The following ACTMAP variants were observed in gnomAD, a reference collection of about 807,000 sequenced individuals.
ACTMAP encodes UPF0692 protein C19orf54.
the ACTMAP span, chr19:40,742,885 G>C: frequency 9.5e-7 from 1 of 1,049,856 alleles, no homozygotes; most frequent in South Asian, 1.6e-5. Flanking sequence ...GCCATTCCTA[G>C]GTTACGGTGA....
the ACTMAP span, among the ~76,000 whole-genome samples, chr19:40,747,382 C>T: frequency 1.3e-5 from 2 of 151,750 alleles, no homozygotes; most frequent in South Asian, 2.1e-4. Flanking sequence ...ACTAAAAATA[C>T]AAAAAATTAG....
the ACTMAP span, chr19:40,742,540 G>A: frequency 1.3e-6 from 2 of 1,585,004 alleles, no homozygotes; most frequent in Admixed American, 1.7e-5. Context: ...GCCCGTGAGG[G>A]CGAGAAGTCC....
chr19:40,741,476 C>T, the ACTMAP span: 1 of 299,954 alleles, frequency 3.3e-6, no homozygotes, highest in South Asian at 2.9e-5. Flanking sequence ...CTGTAGTTTC[C>T]CTAAATGAGA....
chr19:40,743,948 C>T, the ACTMAP span: 678 of 1,614,028 alleles, frequency 4.2e-4, 5 homozygotes, highest in East Asian at 0.011. Context: ...TCCTCTGACA[C>T]GGCTCATGGT....
chr19:40,742,407 G>T, the ACTMAP span: 1 of 1,449,174 alleles, frequency 6.9e-7, no homozygotes. Flanking sequence ...ACCGAGCTAG[G>T]CTGCAGCCTG....
the ACTMAP span, chr19:40,742,177 A>G: frequency 4.6e-6 from 3 of 659,292 alleles, no homozygotes; most frequent in Non-Finnish European, 8.4e-6. Flanking sequence ...TAGTGAGATG[A>G]CAGAGGCGGC....
At chr19:40,749,861 A>C in the ACTMAP span, 1 of 1,214,620 alleles carries the variant, frequency 8.2e-7, no homozygotes, top group Non-Finnish European at 1.1e-6. Flanking sequence ...AGGATCCTCC[A>C]ACGGAGAACG....
At chr19:40,749,163 G>T in the ACTMAP span, among the ~76,000 whole-genome samples, 5 of 151,830 alleles carry the variant, frequency 3.3e-5, no homozygotes, top group African/African-American at 1.2e-4. Context: ...GCTAATTTTT[G>T]TATTTTTAAT....
chr19:40,749,662 G>C, the ACTMAP span: 1 of 1,545,112 alleles, frequency 6.5e-7, no homozygotes, highest in Admixed American at 2.1e-5. Flanking sequence ...GGGGTCTGCT[G>C]ACTCCAGGGA....
At chr19:40,745,424 G>A in the ACTMAP span, among the ~76,000 whole-genome samples, 2 of 152,156 alleles carry the variant, frequency 1.3e-5, no homozygotes, top group Non-Finnish European at 2.9e-5. Context: ...CTCCCTGCTC[G>A]CTCTCTCAGT....
At chr19:40,744,705 C>A in the ACTMAP span, 2 of 1,591,202 alleles carry the variant, frequency 1.3e-6, no homozygotes, top group African/African-American at 1.3e-5. Flanking sequence ...GAGGCCCAGC[C>A]TGTCAATCCT....
At chr19:40,745,798 G>A in the ACTMAP span, among the ~76,000 whole-genome samples, 37 of 152,250 alleles carry the variant, frequency 2.4e-4, no homozygotes, top group Admixed American at 1.2e-3. Flanking sequence ...TCAGCCTCCC[G>A]AGTAGCTGGG....
At chr19:40,748,529 T>C in the ACTMAP span, among the ~76,000 whole-genome samples, 5 of 152,132 alleles carry the variant, frequency 3.3e-5, no homozygotes, top group African/African-American at 4.8e-5. Context: ...CCTGGGTCCC[T>C]GGATGTCCCA....
chr19:40,749,540 G>A, the ACTMAP span: 7 of 1,551,138 alleles, frequency 4.5e-6, no homozygotes, highest in South Asian at 2.4e-5. Context: ...GGACCGGGCC[G>A]GCCTTATCAA....
At chr19:40,747,154 T>G in the ACTMAP span, among the ~76,000 whole-genome samples, 1 of 151,796 alleles carries the variant, frequency 6.6e-6, no homozygotes, top group Non-Finnish European at 1.5e-5. Context: ...CAAGGTTCGG[T>G]TTGGGTGTTG....
At chr19:40,745,735 C>T in the ACTMAP span, among the ~76,000 whole-genome samples, 4 of 152,114 alleles carry the variant, frequency 2.6e-5, no homozygotes, top group South Asian at 2.1e-4. Flanking sequence ...TGCAACAGCG[C>T]GATCTCAGCT....
At chr19:40,742,739 A>C in the ACTMAP span, 11 of 1,611,066 alleles carry the variant, frequency 6.8e-6, no homozygotes, top group East Asian at 2.2e-4. Flanking sequence ...TGTAGCCGAG[A>C]CTGGGCACAG....
At chr19:40,742,423 G>T in the ACTMAP span, 1 of 1,453,838 alleles carries the variant, frequency 6.9e-7, no homozygotes, top group South Asian at 1.5e-5. Flanking sequence ...GCCTGAGACC[G>T]CAGCCGCAGC....
At chr19:40,748,404 G>C in the ACTMAP span, among the ~76,000 whole-genome samples, 1 of 152,056 alleles carries the variant, frequency 6.6e-6, no homozygotes, top group East Asian at 1.9e-4. Flanking sequence ...GGAAAGCTTG[G>C]AGTTTCAATG....
Sources: gnomAD v4.1 joint callset for allele counts (sites outside exome capture counted in the v4.1 genomes callset) on GRCh38, gnomAD v4.1.1 for gene constraint, MANE v1.5 for transcripts, NCBI Gene and HGNC (gene_info 2026-07-23, HGNC 2026-07-21) for gene names.